COL4A5: variants seen among roughly 807,000 people sequenced by gnomAD.
The protein encoded by COL4A5 is collagen type IV alpha 5 chain.
In COL4A5, 26 loss-of-function variants were observed where a neutral mutation model predicts 130.2. The observed-to-expected ratio is 0.20, with a 90% confidence interval of 0.15 to 0.28. The LOEUF (loss-of-function observed/expected upper bound fraction) is 0.28. COL4A5 is among the 10% of genes least tolerant of loss of function. The pLI is 1.00. For synonymous variants in COL4A5, 496 were observed against 439.6 expected (o/e 1.13, Z -1.60); for missense variants, 1,131 against 1,344.3 (o/e 0.84, Z 2.48).
chrX:108,641,840 G>A (rs1246244203), intron 36 of COL4A5, among the ~76,000 whole-genome samples: 3 of 112,011 alleles, frequency 2.7e-5, no homozygotes, highest in Non-Finnish European at 3.8e-5. Flanking sequence ...GGAGAAGGAA[G>A]CCTCCAGCTG....
intron 29 of COL4A5, among the ~76,000 whole-genome samples, chrX:108,607,174 C>A (rs771720680): frequency 9.1e-6 from 1 of 109,923 alleles, no homozygotes; most frequent in Admixed American, 9.7e-5. Flanking sequence ...CAAGACCATC[C>A]TGGCCAACAT....
At chrX:108,471,020 C>T (rs1445348201) in intron 1 of COL4A5, among the ~76,000 whole-genome samples, 10 of 111,586 alleles carry the variant, frequency 9.0e-5, no homozygotes, top group Admixed American at 4.8e-4. Flanking sequence ...GTTTTTGTAC[C>T]AGTACCATGC....
At chrX:108,622,203 AC>A (rs1263751522) in intron 32 of COL4A5, among the ~76,000 whole-genome samples, 1 of 111,937 alleles carries the variant, frequency 8.9e-6, no homozygotes, top group Admixed American at 9.4e-5. Context: ...ATCTCAGCTC[AC>A]TCCAAATTCC....
At chrX:108,624,176 A>G (rs901098768) in intron 33 of COL4A5, 60 bp from the exon 34 acceptor site, 1 of 1,006,012 alleles carries the variant, frequency 9.9e-7, no homozygotes, top group Non-Finnish European at 1.4e-6. Context: ...TGCTTTGCCA[A>G]AGTTATTTCA....
chrX:108,658,026 C>A (rs938523379), intron 37 of COL4A5, among the ~76,000 whole-genome samples: 1 of 110,491 alleles, frequency 9.1e-6, no homozygotes, highest in Non-Finnish European at 1.9e-5. Flanking sequence ...ACATCATTAT[C>A]TTTTTTCTAA....
intron 1 of COL4A5, among the ~76,000 whole-genome samples, chrX:108,458,897 G>A (rs2064612963): frequency 9.1e-6 from 1 of 110,264 alleles, no homozygotes. Context: ...GGAGAATGGC[G>A]TGAACCCGGG....
At chrX:108,633,416 T>C (rs183952546) in intron 36 of COL4A5, among the ~76,000 whole-genome samples, 204 of 111,591 alleles carry the variant, frequency 1.8e-3, no homozygotes, top group African/African-American at 6.3e-3. Context: ...AAACTAACTT[T>C]ATTTTTTTTC....
chrX:108,522,184 C>A (rs1357187421), intron 1 of COL4A5, among the ~76,000 whole-genome samples: 2 of 110,640 alleles, frequency 1.8e-5, no homozygotes, highest in Non-Finnish European at 3.8e-5. Context: ...TATGCATATA[C>A]TACATTTTGT....
intron 1 of COL4A5, among the ~76,000 whole-genome samples, chrX:108,447,861 A>G (rs923269843): frequency 1.8e-5 from 2 of 112,296 alleles, no homozygotes; most frequent in East Asian, 2.8e-4. Flanking sequence ...TTATAAATGA[A>G]CCACCCAGAC....
At chrX:108,457,748 C>A (rs949406963) in intron 1 of COL4A5, among the ~76,000 whole-genome samples, 2 of 111,804 alleles carry the variant, frequency 1.8e-5, no homozygotes, top group African/African-American at 6.5e-5. Flanking sequence ...TACTTACCCA[C>A]AGTTTCTGGC....
At position 108,469,166 on chromosome X, in the gene COL4A5, TC is replaced by T. The variant is rs1478813035; in HGVS notation, c.81+28961del. 8.8e-3 allele frequency among the ~76,000 whole-genome samples: 730 copies of T among 83,347 alleles called. 13 individuals are homozygous for T. Among genetic ancestry groups the T allele is most frequent in the African/African-American group, 0.027 (670 of 24,644 alleles). The allele number at this position is 83,347 out of a possible 115,157, so 72.4% of individuals were successfully genotyped here. A position where few individuals can be genotyped will look rare whatever the true frequency, so the allele number is the denominator to read the frequency against. On this transcript the variant is annotated intron_variant, in intron 1 of 52. Transcript: ENST00000328300. ...TTTTTCATAGTATTTTCTCTCTCTCTCTCTTTTTTTTTTTTTTTTTTGAAAC... is the reference window on the plus strand; with the variant it reads ...TTTTTCATAGTATTTTCTCTCTCTCTTCTTTTTTTTTTTTTTTTTTGAAAC...
intron 3 of COL4A5, among the ~76,000 whole-genome samples, chrX:108,563,637 A>G (rs759945192): frequency 2.7e-5 from 3 of 111,494 alleles, no homozygotes; most frequent in Non-Finnish European, 3.8e-5. Context: ...CTGTACAGGT[A>G]TAGAGTTTGA....
intron 1 of COL4A5, among the ~76,000 whole-genome samples, chrX:108,489,584 C>T (rs1323298472): frequency 9.0e-6 from 1 of 111,649 alleles, no homozygotes; most frequent in Admixed American, 9.5e-5. Context: ...TTAATACCGC[C>T]CAAGTTTGCT....
rs746642294 is a variant in COL4A5, at chrX:108,550,874, G to A, written c.142-8190G>A. Among the ~76,000 whole-genome samples, 10 of 110,914 alleles carry A rather than the reference G, an allele frequency of 9.0e-5. No individual in the cohort carries two copies. In the South Asian group the frequency reaches 2.3e-3, roughly 25 times the overall value. On this transcript the variant is annotated intron_variant, in intron 2 of 52. Transcript: ENST00000328300. ...AAACTAAGATCAGTAAATAAAAATC[G>A]GTTGTATGAGCAATGGGGAAATAAT...
chrX:108,590,653 A>T (rs1160520512), intron 19 of COL4A5, among the ~76,000 whole-genome samples: 1 of 111,927 alleles, frequency 8.9e-6, no homozygotes, highest in Non-Finnish European at 1.9e-5. Context: ...TTATAAAGTC[A>T]TAGTAACTAA....
At chrX:108,593,135 A>AT (rs1473235338) in intron 21 of COL4A5, among the ~76,000 whole-genome samples, 1 of 110,820 alleles carries the variant, frequency 9.0e-6, no homozygotes, top group African/African-American at 3.3e-5. Context: ...TTGTACGTGT[A>AT]TTTTTTTTGT....
intron 49 of COL4A5, among the ~76,000 whole-genome samples, chrX:108,688,454 G>A (rs1603323891): frequency 9.5e-6 from 1 of 105,045 alleles, no homozygotes; most frequent in Non-Finnish European, 2.0e-5. Flanking sequence ...TTTTTTTTTT[G>A]ATACGGAGCC....
intron 1 of COL4A5, among the ~76,000 whole-genome samples, chrX:108,526,593 CTCCTTTCTTTCTTTCTTTCTTTCTTTCT>C (rs2065315911): frequency 4.4e-5 from 2 of 45,097 alleles, no homozygotes; most frequent in Admixed American, 2.3e-4. Flanking sequence ...CCCTCCCTCC[CTCCTTTCTTTCTTTCTTTCTTTCTTTCT>C]TTCTTTCTTT....
chrX:108,641,731 G>T (rs978978081), intron 36 of COL4A5, among the ~76,000 whole-genome samples: 13 of 111,998 alleles, frequency 1.2e-4, no homozygotes, highest in Non-Finnish European at 2.1e-4. Context: ...AGCAGGAAAG[G>T]CCCTGGGGGC....
Sources: allele counts gnomAD v4.1 joint callset (sites outside exome capture counted in the v4.1 genomes callset), GRCh38; gene constraint gnomAD v4.1.1; transcripts MANE v1.5; gene names NCBI Gene and HGNC (gene_info 2026-07-23, HGNC 2026-07-21).